RASGRP1: variants seen among roughly 807,000 people sequenced by gnomAD.
RASGRP1 encodes RAS guanyl releasing protein 1.
RASGRP1 carries 37 observed loss-of-function variants against 95.1 expected under a neutral mutation model. The observed-to-expected ratio is 0.39, with a 90% CI of 0.30 to 0.51. RASGRP1 has a LOEUF of 0.51. Ranked by LOEUF, RASGRP1 falls within the 20% of genes least tolerant of loss-of-function variation. The probability of loss-of-function intolerance (pLI) is 0.80; values close to 1 mark genes in which losing one functional copy is unlikely to be tolerated. For synonymous variants in RASGRP1, 325 were observed against 353.4 expected, an observed-to-expected ratio of 0.92 and a Z score of 0.90; for missense variants, 711 against 965.4, an observed-to-expected ratio of 0.74 and a Z score of 3.49.
chr15:38,508,048 C>T, intron 8 of RASGRP1, 47 bp from the exon 9 acceptor site: 1 of 1,546,270 alleles, frequency 6.5e-7, no homozygotes, highest in Middle Eastern at 1.7e-4. Flanking sequence ...AGGCAGTGTG[C>T]ATTGTCTGTA....
Position 38,488,993 on chromosome 15 carries a change from C to T in RASGRP1, c.*1561G>A, listed in dbSNP as rs937137964. Reference sequence around the variant, plus strand: ...AGTTCTATATCACTAAAACTCAGTGCAAGGAGGAACTCAAATGGGAACTGA... The same window carrying T: ...AGTTCTATATCACTAAAACTCAGTGTAAGGAGGAACTCAAATGGGAACTGA... On this transcript the variant is annotated 3_prime_UTR_variant, in exon 17 of 17. Coordinates refer to ENST00000310803, the MANE Select transcript of RASGRP1 (RefSeq NM_005739.4). The T allele has an allele frequency of 2.6e-5, 4 of 151,912 alleles. No homozygotes were observed. Among genetic ancestry groups the T allele is most frequent in the African/African-American group, 4.8e-5 (2 of 41,410 alleles). 9.4% of individuals were successfully genotyped at this position (151,912 alleles called of 1,614,324 possible). A position where few individuals can be genotyped will look rare whatever the true frequency, so the allele number is the denominator to read the frequency against.
chr15:38,522,335 T>C (rs1201949896), intron 3 of RASGRP1, among the ~76,000 whole-genome samples: 1 of 152,242 alleles, frequency 6.6e-6, no homozygotes, highest in Non-Finnish European at 1.5e-5. Flanking sequence ...ACAAACGTTC[T>C]GTACTTTACT....
intron 6 of RASGRP1, among the ~76,000 whole-genome samples, chr15:38,513,437 G>C (rs1026881616): frequency 6.6e-6 from 1 of 152,198 alleles, no homozygotes; most frequent in Non-Finnish European, 1.5e-5. Flanking sequence ...GAAGATCAAA[G>C]AAGATAATGT....
chr15:38,542,820 T>C (rs192663447), intron 2 of RASGRP1, among the ~76,000 whole-genome samples: 244 of 143,854 alleles, frequency 1.7e-3, no homozygotes, highest in Middle Eastern at 7.4e-3. Flanking sequence ...TTGTCAGATA[T>C]ATACATATAT....
At chr15:38,552,515 CT>C (rs1893380616) in intron 2 of RASGRP1, among the ~76,000 whole-genome samples, 1 of 152,108 alleles carries the variant, frequency 6.6e-6, no homozygotes, top group Admixed American at 6.5e-5. Context: ...CAACAGACTA[CT>C]AACAAGCTAC....
chr15:38,558,636 A>G (rs747505819), intron 2 of RASGRP1, among the ~76,000 whole-genome samples: 1 of 152,224 alleles, frequency 6.6e-6, no homozygotes, highest in Non-Finnish European at 1.5e-5. Flanking sequence ...ATGTGTGCTA[A>G]AAAACAAAAC....
intron 2 of RASGRP1, among the ~76,000 whole-genome samples, chr15:38,527,901 G>A (rs1258494368): frequency 1.3e-5 from 2 of 152,118 alleles, no homozygotes; most frequent in Admixed American, 6.6e-5. Flanking sequence ...TGAGGCTGCA[G>A]TGAGCTATGA....
At chr15:38,524,400 G>C (rs79598219) in intron 3 of RASGRP1, 3 of 152,260 alleles carry the variant, frequency 2.0e-5, no homozygotes, top group Admixed American at 2.0e-4. Flanking sequence ...AGCAGAGCTC[G>C]AAGAAGCCTC....
chr15:38,525,788 G>A lies in RASGRP1; in HGVS notation c.326+511C>T, dbSNP rs1175693733. Among the ~76,000 whole-genome samples, 18 of 152,084 alleles carry A rather than the reference G, an allele frequency of 1.2e-4. No individual in the cohort carries two copies. In the South Asian group the frequency reaches 1.2e-3, roughly 11 times the overall value. On this transcript the variant is annotated intron_variant, in intron 3 of 16. Coordinates refer to ENST00000310803, the MANE Select transcript of RASGRP1 (RefSeq NM_005739.4). The stretch of plus-strand genomic sequence containing the variant: ...CTCCTCCCTACTTGATTCATATCCC[G>A]TAATAAGGTTAAAGTCCAGCAGGTT...
chr15:38,516,424 C>T, intron 5 of RASGRP1, 74 bp from the exon 6 acceptor site: 1 of 1,499,044 alleles, frequency 6.7e-7, no homozygotes, highest in Non-Finnish European at 9.3e-7. Flanking sequence ...AATCCATTAA[C>T]ATTTCTCACA....
In RASGRP1 at chr15:38,525,972, C is replaced by T. The variant is rs556403917; in HGVS notation, c.326+327G>A. ...ATTTATCCTTGAGTCATGCTTGCACCTTTGTCAATTTGCACAGGATGAATA... is the reference window on the plus strand; with the variant it reads ...ATTTATCCTTGAGTCATGCTTGCACTTTTGTCAATTTGCACAGGATGAATA... On this transcript the variant is annotated intron_variant, in intron 3 of 16. Transcript: ENST00000310803. Among the ~76,000 whole-genome samples the T allele has an allele frequency of 2.8e-3, 430 of 152,190 alleles. 2 individuals are homozygous for T. Among genetic ancestry groups the T allele is most frequent in the Non-Finnish European group, 3.9e-3 (267 of 68,002 alleles).
intron 2 of RASGRP1, among the ~76,000 whole-genome samples, chr15:38,539,562 T>TTTTA (rs1160270081): frequency 6.6e-6 from 1 of 151,878 alleles, no homozygotes; most frequent in African/African-American, 2.4e-5. Flanking sequence ...TTTTTTTTGT[T>TTTTA]TTTATTTATT....
At chr15:38,521,085 A>G (rs1891983198) in intron 3 of RASGRP1, among the ~76,000 whole-genome samples, 1 of 152,194 alleles carries the variant, frequency 6.6e-6, no homozygotes, top group African/African-American at 2.4e-5. Flanking sequence ...CATGAAGTAG[A>G]AAGTTTTTAT....
rs368060712 is a variant in RASGRP1 at position 38,501,199 on chromosome 15, T to C, written c.1627A>G (p.Asn543Asp). 86 of 1,613,080 alleles carry C rather than the reference T, an allele frequency of 5.3e-5. No individual in the cohort carries two copies. The highest frequency in any genetic ancestry group is 7.0e-5 in the Non-Finnish European group (82 of 1,179,438). ...TTCAGGTAGGTGGTCTCTTGGAAGTTGTGAGGAAAGCCCAGGCCCAGCTTG... is the reference window on the plus strand; with the variant it reads ...TTCAGGTAGGTGGTCTCTTGGAAGTCGTGAGGAAAGCCCAGGCCCAGCTTG... Reference protein sequence around the residue: ...YSKLGLGFPHNFQETTYLKPT... With the variant: ...YSKLGLGFPHDFQETTYLKPT... The change falls in exon 13 of 17, where the codon AAC (asparagine) becomes GAC (aspartate). Residue 543 changes from asparagine to aspartate, a missense_variant. Asn to Asp is a conservative substitution (Grantham distance 23, BLOSUM62 1). This residue lies in a region of RASGRP1 where 491 missense variants were observed against 676.6 expected (regional missense o/e 0.73). Transcript: ENST00000310803.
chr15:38,523,566 T>A (rs553213885), intron 3 of RASGRP1, among the ~76,000 whole-genome samples: 118 of 152,278 alleles, frequency 7.7e-4, no homozygotes, highest in African/African-American at 2.7e-3. Flanking sequence ...CCTAAGTATA[T>A]AGTGTTTATA....
intron 2 of RASGRP1, among the ~76,000 whole-genome samples, chr15:38,556,529 C>T (rs183523786): frequency 7.4e-4 from 112 of 152,326 alleles, no homozygotes; most frequent in African/African-American, 2.5e-3. Context: ...GCAAATCCCA[C>T]AGTTTGTAGA....
chr15:38,561,988 C>T (rs1893829139), intron 1 of RASGRP1, among the ~76,000 whole-genome samples: 1 of 152,136 alleles, frequency 6.6e-6, no homozygotes, highest in Non-Finnish European at 1.5e-5. Context: ...GGATGTTATC[C>T]CCATCTCATG....
At chr15:38,491,642 T>A (rs1270363526) in intron 16 of RASGRP1, among the ~76,000 whole-genome samples, 1 of 152,216 alleles carries the variant, frequency 6.6e-6, no homozygotes, top group East Asian at 1.9e-4. Flanking sequence ...AATACTGATT[T>A]AATTTGACTA....
chr15:38,540,071 C>T (rs2141164713), intron 2 of RASGRP1, among the ~76,000 whole-genome samples: 1 of 152,100 alleles, frequency 6.6e-6, no homozygotes, highest in African/African-American at 2.4e-5. Flanking sequence ...CACACATCAC[C>T]ATGCCAGGCT....
Sources: gnomAD v4.1 joint callset for allele counts (sites outside exome capture counted in the v4.1 genomes callset) on GRCh38, gnomAD v4.1.1 for gene constraint, gnomAD v4.1.1 regional missense constraint, MANE v1.5 for transcripts, NCBI Gene and HGNC (gene_info 2026-07-23, HGNC 2026-07-21) for gene names.